The following MRPL47 variants were observed in gnomAD, a reference collection of about 807,000 sequenced individuals.
MRPL47 encodes large ribosomal subunit protein uL29m.
In MRPL47, 31 loss-of-function variants were observed where a neutral mutation model predicts 34.0. The observed-to-expected ratio is 0.91, with a 90% CI of 0.68 to 1.23. The LOEUF (loss-of-function observed/expected upper bound fraction) is 1.23, where lower values mean the gene tolerates loss of function less well. Among genes scored for constraint, MRPL47 ranks in the 50% most tolerant of loss-of-function variants. The probability of loss-of-function intolerance (pLI) is 0.00; values close to 1 mark genes in which losing one functional copy is unlikely to be tolerated. For synonymous variants in MRPL47, 106 were observed against 101.6 expected (o/e 1.04, Z -0.26); for missense variants, 328 against 285.8 (o/e 1.15, Z -1.07).
Position 179,604,579 on chromosome 3 carries a change from C to A in MRPL47, c.46G>T (p.Ala16Ser), listed in dbSNP as rs1195192138. 6.2e-7 allele frequency: 1 copy of A among 1,614,000 alleles called. No individual in the cohort carries two copies. Among genetic ancestry groups the A allele is most frequent in the Non-Finnish European group, 8.5e-7 (1 of 1,180,008 alleles). ...LALLCRRVSS[A>S]LKSSRSLITP... ...ATTAACGATCGGGAAGATTTCAGGG[C>A]GGATGAAACTCTCCTACAAAGAAGG... Residue 16 changes from alanine (A) to serine (S), a missense_variant, in exon 1 of 7, where the codon GCC becomes TCC. Coordinates refer to ENST00000476781, the MANE Select transcript of MRPL47 (RefSeq NM_020409.3).
At chr3:179,594,717 C>G (rs1408768273) in intron 4 of MRPL47, among the ~76,000 whole-genome samples, 1 of 152,126 alleles carries the variant, frequency 6.6e-6, no homozygotes, top group African/African-American at 2.4e-5. Context: ...CTCCTGGCCC[C>G]AGGTGATCTG....
chr3:179,595,284 A>C (rs1718767832), intron 4 of MRPL47, among the ~76,000 whole-genome samples: 1 of 151,848 alleles, frequency 6.6e-6, no homozygotes, highest in Non-Finnish European at 1.5e-5. Context: ...CTTGGGCTCA[A>C]GTGATCTATT....
rs1008039548 is a variant in MRPL47, at chr3:179,604,572, T to C, written c.53A>G (p.Lys18Arg). ...LLCRRVSSAL[K>R]SSRSLITPQV... ...AGGAGTTATTAACGATCGGGAAGAT[T>C]TCAGGGCGGATGAAACTCTCCTACA... Residue 18 changes from lysine (K) to arginine (R), a missense_variant, in exon 1 of 7, where the codon AAA (lysine) becomes AGA (arginine). Lys to Arg is a conservative substitution (Grantham distance 26). Coordinates refer to ENST00000476781, the MANE Select transcript of MRPL47 (RefSeq NM_020409.3). 1.9e-6 allele frequency: 3 copies of C among 1,614,074 alleles called. No individual in the cohort carries two copies. In the African/African-American group the frequency reaches 4.0e-5, roughly 22 times the overall value.
chr3:179,595,271 C>G (rs1718767534), intron 4 of MRPL47, among the ~76,000 whole-genome samples: 1 of 151,988 alleles, frequency 6.6e-6, no homozygotes, highest in Admixed American at 6.6e-5. Flanking sequence ...TGGTCTCAAA[C>G]TCCTTGGGCT....
chr3:179,593,752 G>C lies in MRPL47; in HGVS notation c.533+13C>G, dbSNP rs765768228. On this transcript the variant is annotated intron_variant, in intron 5 of 6. Transcript: ENST00000476781. ...ACTCTCATCTTAGAAGAGCCACAGT[G>C]TTAACTACATACCAGATGATTCTTC... 5 of 1,610,054 alleles carry C rather than the reference G, an allele frequency of 3.1e-6. No homozygotes were observed. In the East Asian group the frequency reaches 1.1e-4, roughly 36 times the overall value.
At position 179,598,715 on chromosome 3, in the gene MRPL47, C is replaced by A; in HGVS notation, c.362G>T (p.Arg121Leu). The change falls in exon 4 of 7, where the codon CGG (arginine) becomes CTG (leucine). Residue 121 changes from arginine (R) to leucine (L), a missense_variant. Transcript: ENST00000476781. ...TGGACTTGGCATTGGCAATCTCTGCCGCTTGGCCTCCTGCTCTAGGGTTAG... is the reference window on the plus strand; with the variant it reads ...TGGACTTGGCATTGGCAATCTCTGCAGCTTGGCCTCCTGCTCTAGGGTTAG... ...MLLTLEQEAKRQRLPMPSPER... is the reference protein window; with the variant it reads ...MLLTLEQEAKLQRLPMPSPER... 1 of 1,613,178 alleles carries A rather than the reference C, an allele frequency of 6.2e-7. No homozygotes were observed. The highest frequency in any genetic ancestry group is 8.5e-7 in the Non-Finnish European group (1 of 1,179,320).
intron 4 of MRPL47, 130 bp downstream of exon 4, chr3:179,598,545 C>G: frequency 1.6e-6 from 1 of 627,512 alleles, no homozygotes; most frequent in Non-Finnish European, 2.9e-6. Context: ...GATGGTTGCA[C>G]TACTCAAATT....
At chr3:179,598,429 C>CACA (rs370530062) in intron 4 of MRPL47, among the ~76,000 whole-genome samples, 13 of 118,828 alleles carry the variant, frequency 1.1e-4, no homozygotes, top group East Asian at 4.6e-4. Context: ...CACACACAAA[C>CACA]AAAAAAAAAA....
intron 6 of MRPL47, among the ~76,000 whole-genome samples, chr3:179,591,148 C>T (rs1488693536): frequency 6.6e-6 from 1 of 152,102 alleles, no homozygotes; most frequent in Admixed American, 6.5e-5. Flanking sequence ...ACGTATTATT[C>T]AAGAGTTGTT....
intron 3 of MRPL47, among the ~76,000 whole-genome samples, chr3:179,600,974 A>T (rs1432133052): frequency 6.6e-6 from 1 of 152,232 alleles, no homozygotes; most frequent in African/African-American, 2.4e-5. Flanking sequence ...CCCTGTCTTA[A>T]ATCCTCTCAA....
intron 3 of MRPL47, among the ~76,000 whole-genome samples, chr3:179,599,257 C>G (rs561680973): frequency 6.6e-6 from 1 of 151,976 alleles, no homozygotes; most frequent in East Asian, 1.9e-4. Context: ...CTTTGCTTAT[C>G]CATGTGTTCA....
intron 1 of MRPL47, among the ~76,000 whole-genome samples, chr3:179,603,975 T>C (rs1426819691): frequency 2.3e-5 from 3 of 128,030 alleles, no homozygotes; most frequent in African/African-American, 9.4e-5. Flanking sequence ...GTCAACAACA[T>C]TAAGAAAAAA....
chr3:179,597,253 T>C (rs925714993), intron 4 of MRPL47, among the ~76,000 whole-genome samples: 2 of 152,232 alleles, frequency 1.3e-5, no homozygotes, highest in Non-Finnish European at 2.9e-5. Context: ...TTCTCCATAA[T>C]TAGGGTAAAT....
At chr3:179,594,398 T>C (rs1446580681) in intron 4 of MRPL47, among the ~76,000 whole-genome samples, 1 of 152,226 alleles carries the variant, frequency 6.6e-6, no homozygotes, top group Non-Finnish European at 1.5e-5. Context: ...TTTATCAAGA[T>C]GCAAGATGAT....
In MRPL47 at chr3:179,588,742, A is replaced by ACTT. The variant is rs1378781359; in HGVS notation, c.*127_*129dup. On this transcript the variant is annotated 3_prime_UTR_variant, in exon 7 of 7. Transcript: ENST00000476781. Reference sequence around the variant, plus strand: ...TAGCTAATTAGCATGCCATATTCACACTTAGAACAACTGATTAGTAAAGTC... The same window carrying ACTT: ...TAGCTAATTAGCATGCCATATTCACACTTCTTAGAACAACTGATTAGTAAAGTC... 2 of 876,726 alleles carry ACTT rather than the reference A, an allele frequency of 2.3e-6. No homozygotes were observed. Among genetic ancestry groups the ACTT allele is most frequent in the African/African-American group, 3.4e-5 (2 of 59,646 alleles). 54.3% of individuals were successfully genotyped at this position (876,726 alleles called of 1,614,324 possible).
At chr3:179,590,028 C>G (rs1386081069) in intron 6 of MRPL47, among the ~76,000 whole-genome samples, 1 of 152,122 alleles carries the variant, frequency 6.6e-6, no homozygotes, top group South Asian at 2.1e-4. Flanking sequence ...TGGATTGATA[C>G]ATTCTCATAC....
chr3:179,595,109 G>A (rs185208100), intron 4 of MRPL47, among the ~76,000 whole-genome samples: 120 of 152,116 alleles, frequency 7.9e-4, no homozygotes, highest in African/African-American at 1.5e-3. Context: ...GCAGTGGCAC[G>A]ATCTTGGCTC....
intron 2 of MRPL47, 38 bp downstream of exon 2, chr3:179,602,614 A>AT: frequency 7.5e-7 from 1 of 1,337,846 alleles, no homozygotes. Context: ...GGGGGGTTCC[A>AT]TAAATATATC....
intron 1 of MRPL47, among the ~76,000 whole-genome samples, chr3:179,603,502 G>A (rs1455581113): frequency 1.3e-4 from 20 of 152,134 alleles, no homozygotes; most frequent in Admixed American, 1.2e-3. Flanking sequence ...TCACACCATT[G>A]CACTCCAGCC....
Sources: allele counts gnomAD v4.1 joint callset (sites outside exome capture counted in the v4.1 genomes callset), GRCh38; gene constraint gnomAD v4.1.1; transcripts MANE v1.5; gene names NCBI Gene and HGNC (gene_info 2026-07-23, HGNC 2026-07-21).